The following TEP1 variants were observed in gnomAD, a reference collection of about 807,000 sequenced individuals.
TEP1 encodes telomerase protein component 1.
A neutral mutation model predicts 306.3 loss-of-function variants in TEP1; 241 were observed. The ratio of observed to expected loss-of-function variants is 0.79; its 90% confidence interval spans 0.71 to 0.88. TEP1 has a LOEUF of 0.88. Ranked by LOEUF, TEP1 falls within the 40% of genes least tolerant of loss-of-function variation. The pLI is 0.00. For synonymous variants in TEP1, 1,289 were observed against 1,305.5 expected (o/e 0.99, Z 0.27); for missense variants, 3,051 against 3,276.1 (o/e 0.93, Z 1.68).
At chr14:20,371,408 G>A (rs1464934719) in intron 50 of TEP1, 81 bp downstream of exon 50, 3 of 1,601,530 alleles carry the variant, frequency 1.9e-6, no homozygotes, top group East Asian at 2.2e-5. Context: ...TTTCTTCTAA[G>A]TTAGACTCAA....
intron 17 of TEP1, among the ~76,000 whole-genome samples, chr14:20,388,814 T>C (rs1042269246): frequency 6.6e-6 from 1 of 152,152 alleles, no homozygotes; most frequent in Non-Finnish European, 1.5e-5. Context: ...CTGCTATGCC[T>C]GGATGGCTGT....
At position 20,368,432 on chromosome 14, in the gene TEP1, C is replaced by T; in HGVS notation, c.*5G>A. ...GGGGTATCATTATTCCCGAGTGGCA[C>T]ATCTTCATTCCCAATTCAGAAAGTA... On this transcript the variant is annotated 3_prime_UTR_variant, in exon 55 of 55. Transcript: ENST00000262715. 6.2e-7 allele frequency: 1 copy of T among 1,614,002 alleles called. No individual in the cohort carries two copies. The highest frequency in any genetic ancestry group is 8.5e-7 in the Non-Finnish European group (1 of 1,179,892).
intron 9 of TEP1, 42 bp from the exon 10 acceptor site, chr14:20,396,772 G>T: frequency 7.0e-7 from 1 of 1,437,640 alleles, no homozygotes; most frequent in Non-Finnish European, 9.6e-7. Context: ...CAAATGAGAA[G>T]GCCAGGCACA....
rs776324645 is a variant in TEP1 at position 20,383,905 on chromosome 14, G to T, written c.3548C>A (p.Ser1183Ter). Reference protein sequence around the residue: ...GKTAFLASLVSALQAPDGAKV... With the variant: ...GKTAFLASLV ...GGCCCCATCAGGAGCCTGCAGGGCT[G>T]ACACAAGAGATGCCTGCATGGGACA... Residue 1183 changes from serine to a stop codon, truncating the protein, a stop_gained, in exon 25 of 55, where the codon TCA becomes TAA. Coordinates refer to ENST00000262715, the MANE Select transcript of TEP1 (RefSeq NM_007110.5). LOFTEE classifies it high-confidence loss of function. 2.5e-6 allele frequency: 4 copies of T among 1,599,660 alleles called. No homozygotes were observed. Among genetic ancestry groups the T allele is most frequent in the South Asian group, 1.1e-5 (1 of 90,470 alleles).
chr14:20,387,842 G>T, intron 18 of TEP1, 63 bp downstream of exon 18: 1 of 1,532,452 alleles, frequency 6.5e-7, no homozygotes, highest in Non-Finnish European at 8.7e-7. Flanking sequence ...TTCAGCCCCA[G>T]GGTTTCCCAA....
In TEP1 at chr14:20,386,592, T is replaced by C. The variant is rs1298904829; in HGVS notation, c.2716A>G (p.Thr906Ala). 3 of 1,606,452 alleles carry C rather than the reference T, an allele frequency of 1.9e-6. No individual in the cohort carries two copies. The highest frequency in any genetic ancestry group is 2.2e-5 in the East Asian group (1 of 44,612). The change falls in exon 19 of 55, where the codon ACT becomes GCT. Residue 906 changes from threonine (T) to alanine (A), a missense_variant. This residue lies in a region of TEP1 where 1,507 missense variants were observed against 1,550.5 expected (regional missense o/e 0.97). Transcript: ENST00000262715. The stretch of plus-strand genomic sequence containing the variant: ...CGCTCCCCATGCATGTCTCGGAAAG[T>C]GGATGAAATGAAAAGCCGGATGCTG... ...WRSIRLFISSTFRDMHGERDL... is the reference protein window; with the variant it reads ...WRSIRLFISSAFRDMHGERDL...
At position 20,378,377 on chromosome 14, in the gene TEP1, T is replaced by A. The variant is rs1415857305; in HGVS notation, c.5508+3A>T. 2 of 1,614,096 alleles carry A rather than the reference T, an allele frequency of 1.2e-6. No individual in the cohort carries two copies. The highest frequency in any genetic ancestry group is 4.5e-5 in the East Asian group (2 of 44,894). ...CCCCAAGAGCAACACTGGACCTTCT[T>A]ACCTTGGTGACTTTGAGCCCATCCA... On this transcript the variant is annotated splice_donor_region_variant and intron_variant, in intron 38 of 54. Transcript: ENST00000262715.
chr14:20,404,857 C>T, intron 4 of TEP1, 85 bp from the exon 5 acceptor site: 1 of 1,462,292 alleles, frequency 6.8e-7, no homozygotes, highest in Non-Finnish European at 9.2e-7. Context: ...TTGAGTGTGC[C>T]TGTATAAAAC....
At chr14:20,372,370 GTGTGTGTGTA>G (rs1042396658) in intron 49 of TEP1, among the ~76,000 whole-genome samples, 50 of 100,326 alleles carry the variant, frequency 5.0e-4, no homozygotes, top group Middle Eastern at 4.5e-3. Flanking sequence ...ATATGTGTGT[GTGTGTGTGTA>G]TGTGTGTGTG....
Position 20,386,577 on chromosome 14 carries a change from G to A in TEP1, c.2731C>T (p.His911Tyr). 6.2e-7 allele frequency: 1 copy of A among 1,608,734 alleles called. No homozygotes were observed. Among genetic ancestry groups the A allele is most frequent in the Non-Finnish European group, 8.5e-7 (1 of 1,176,416 alleles). ...CTCAGCAGCAGGTCCCGCTCCCCAT[G>A]CATGTCTCGGAAAGTGGATGAAATG... ...LFISSTFRDM[H>Y]GERDLLLRSV... is the part of the protein sequence containing the mutation. The change falls in exon 19 of 55, where the codon CAT (histidine) becomes TAT (tyrosine). Residue 911 changes from histidine to tyrosine, a missense_variant. His to Tyr is a moderately conservative substitution (Grantham distance 83). This residue lies in a region of TEP1 where 1,507 missense variants were observed against 1,550.5 expected (regional missense o/e 0.97). Coordinates refer to ENST00000262715, the MANE Select transcript of TEP1 (RefSeq NM_007110.5).
In TEP1 at chr14:20,377,717, C is replaced by T. The variant is rs1482247300; in HGVS notation, c.5758G>A (p.Gly1920Arg). 4.3e-6 allele frequency: 7 copies of T among 1,613,922 alleles called. No homozygotes were observed. The highest frequency in any genetic ancestry group is 1.7e-5 in the Admixed American group (1 of 59,996). Residue 1920 changes from glycine (G) to arginine (R), a missense_variant, in exon 40 of 55, where the codon GGG (glycine) becomes AGG (arginine). Physicochemically the swap from Gly to Arg is moderately radical, Grantham distance 125 (BLOSUM62 -2). Coordinates refer to ENST00000262715, the MANE Select transcript of TEP1 (RefSeq NM_007110.5). Reference protein sequence around the residue: ...VWSGSLGRPRGHLGSLSLSPA... With the variant: ...VWSGSLGRPRRHLGSLSLSPA... ...GAGAGAGAAAGGGAACCCAGGTGCC[C>T]ACGGGGCCGACCCAGAGACCCTGAC... is the stretch of plus-strand genomic sequence containing the variant.
Position 20,381,919 on chromosome 14 carries a change from A to T in TEP1, c.4418T>A (p.Leu1473Gln), listed in dbSNP as rs147025855. 8.7e-6 allele frequency: 14 copies of T among 1,613,910 alleles called. No individual in the cohort carries two copies. Among genetic ancestry groups the T allele is most frequent in the African/African-American group, 6.7e-5 (5 of 74,914 alleles). ...MGPFACLVQS[L>Q]RSLLGEGPLE... is the part of the protein sequence containing the mutation. ...TCTGCTGGGGCACCTGTACCTGCGC[A>T]GACTCTGGACGAGGCAGGCAAACGG... is the stretch of plus-strand genomic sequence containing the variant. The change falls in exon 30 of 55, where the codon CTG becomes CAG. Residue 1473 changes from leucine (L) to glutamine (Q), a missense_variant. This residue lies in a region of TEP1 where 1,540 missense variants were observed against 1,705.9 expected (regional missense o/e 0.90). Transcript: ENST00000262715. The surrounding 1 kb of genome is among the most constrained non-coding windows in gnomAD (Gnocchi z 4.0).
intron 28 of TEP1, 34 bp from the exon 29 acceptor site, chr14:20,382,390 A>G (rs1266430178): frequency 3.2e-6 from 5 of 1,580,470 alleles, no homozygotes; most frequent in Non-Finnish European, 3.4e-6. Context: ...TGTTCAGTGC[A>G]GTGGGAGGAG....
At position 20,369,466 on chromosome 14, in the gene TEP1, G is replaced by A; in HGVS notation, c.7534C>T (p.Pro2512Ser). 6.2e-7 allele frequency: 1 copy of A among 1,614,144 alleles called. No individual in the cohort carries two copies. The highest frequency in any genetic ancestry group is 8.5e-7 in the Non-Finnish European group (1 of 1,180,020). Residue 2512 changes from proline to serine, a missense_variant, in exon 53 of 55, where the codon CCA (proline) becomes TCA (serine). By Grantham distance (74) the Pro-to-Ser change is moderately conservative (BLOSUM62 -1). Around this residue, in one of 3 missense-constraint regions of TEP1, gnomAD observed 1,540 missense variants for 1,705.9 expected, o/e 0.90. Coordinates refer to ENST00000262715, the MANE Select transcript of TEP1 (RefSeq NM_007110.5). ...TCTGTCCCTGGAGTTTGGGTTTCTG[G>A]AGTGTTTGCTTTTTTCTGCCACATG... ...GNMWQKKANT[P>S]ETQTPGTDPS...
At position 20,391,073 on chromosome 14, in the gene TEP1, C is replaced by G. The variant is rs776298154; in HGVS notation, c.2121G>C (p.Leu707=). Residue 707 remains leucine, a synonymous_variant, in exon 14 of 55, where the codon CTG becomes CTC. Transcript: ENST00000262715. The part of the protein sequence containing the change: ...PQGPPLNYAL[L]LIGMMITRAE... The stretch of plus-strand genomic sequence containing the variant: ...CCCTCGTGATCATCATCCCAATCAA[C>G]AGCAGTGCATAGTTCAGCGGGGGCT... 36 of 1,614,060 alleles carry G rather than the reference C, an allele frequency of 2.2e-5. No homozygotes were observed. In the South Asian group the frequency reaches 2.6e-4, roughly 12 times the overall value.
chr14:20,403,494 C>G, intron 6 of TEP1, 46 bp from the exon 7 acceptor site: 1 of 1,611,548 alleles, frequency 6.2e-7, no homozygotes, highest in Non-Finnish European at 8.5e-7. Flanking sequence ...AACTGGCTGT[C>G]CTTGAAGAGA....
At chr14:20,407,591 T>C (rs1713439) in intron 2 of TEP1, among the ~76,000 whole-genome samples, 50,253 of 152,140 alleles carry the variant, frequency 0.33, 8,796 homozygotes, top group African/African-American at 0.43. Context: ...TCCGCCCGCC[T>C]TGGCCTCCCA....
Position 20,382,646 on chromosome 14 carries a change from T to A in TEP1, c.4117A>T (p.Arg1373Trp), listed in dbSNP as rs1322886120. 1 of 1,614,004 alleles carries A rather than the reference T, an allele frequency of 6.2e-7. No homozygotes were observed. Among genetic ancestry groups the A allele is most frequent in the Non-Finnish European group, 8.5e-7 (1 of 1,179,954 alleles). ...LYLRLVTDHL[R>W]LFTLYEQVSE... ...ACCTGCTCATACAGCGTGAAGAGCC[T>A]CAGGTGATCGGTGACCAAGCGCAGG... Residue 1373 changes from arginine to tryptophan, a missense_variant, in exon 28 of 55, where the codon AGG (arginine) becomes TGG (tryptophan). Physicochemically the swap from Arg to Trp is moderately radical, Grantham distance 101 (BLOSUM62 -3). Around this residue, in one of 3 missense-constraint regions of TEP1, gnomAD observed 1,540 missense variants for 1,705.9 expected, o/e 0.90. Coordinates refer to ENST00000262715, the MANE Select transcript of TEP1 (RefSeq NM_007110.5).
At position 20,371,530 on chromosome 14, in the gene TEP1, C is replaced by T. The variant is rs971387674; in HGVS notation, c.7179G>A (p.Lys2393=). 1.2e-6 allele frequency: 2 copies of T among 1,609,326 alleles called. No individual in the cohort carries two copies. Among genetic ancestry groups the T allele is most frequent in the African/African-American group, 1.3e-5 (1 of 74,558 alleles). Residue 2393 remains lysine (K), a synonymous_variant, in exon 50 of 55, where the codon AAG becomes AAA. Coordinates refer to ENST00000262715, the MANE Select transcript of TEP1 (RefSeq NM_007110.5). ...HFLILAKADL[K]LLCMKPGDAP... ...CATCCCCTGGCTTCATGCAAAGTAA[C>T]TTCAAATCTGCTTTGGCCAAGATGA...
Sources: gnomAD v4.1 joint callset for allele counts (sites outside exome capture counted in the v4.1 genomes callset) on GRCh38, gnomAD v4.1.1 for gene constraint, gnomAD v4.1.1 regional missense constraint, Gnocchi (gnomAD v3.1) non-coding constraint, MANE v1.5 for transcripts, NCBI Gene and HGNC (gene_info 2026-07-23, HGNC 2026-07-21) for gene names.